GPC5: variants seen among roughly 807,000 people sequenced by gnomAD.
GPC5 encodes glypican-5.
A neutral mutation model predicts 53.9 loss-of-function variants in GPC5; 47 were observed. That is an observed-to-expected ratio of 0.87 (90% confidence interval 0.69 to 1.11). The LOEUF (loss-of-function observed/expected upper bound fraction) is 1.11. GPC5 is among the 50% of genes most tolerant of loss of function. The probability of loss-of-function intolerance (pLI) is 0.00; values close to 1 mark genes in which losing one functional copy is unlikely to be tolerated. For synonymous variants in GPC5, 286 were observed against 263.3 expected, an observed-to-expected ratio of 1.09 and a Z score of -0.84; for missense variants, 748 against 713.1, an observed-to-expected ratio of 1.05 and a Z score of -0.56.
rs565025421 is a variant in GPC5, at chr13:91,734,277, C to T, written c.1154+5612C>T. Among the ~76,000 whole-genome samples, 213 of 151,324 alleles carry T rather than the reference C, an allele frequency of 1.4e-3. 3 individuals carry two copies. The highest frequency in any genetic ancestry group is 3.2e-3 in the Admixed American group (49 of 15,256). On this transcript the variant is annotated intron_variant, in intron 4 of 7. Transcript: ENST00000377067. The stretch of plus-strand genomic sequence containing the variant: ...TATTGATGTTCATCAGGGATATTGG[C>T]CCGAATTTCAGGAATTTCAATTTGG...
intron 7 of GPC5, among the ~76,000 whole-genome samples, chr13:92,311,287 T>C (rs531680198): frequency 5.8e-4 from 89 of 152,228 alleles, no homozygotes; most frequent in Non-Finnish European, 1.1e-3. Context: ...TCCTGGCCAC[T>C]GAGAAAAGAG....
intron 7 of GPC5, among the ~76,000 whole-genome samples, chr13:92,285,368 T>C (rs978202458): frequency 5.3e-5 from 8 of 152,306 alleles, no homozygotes; most frequent in Non-Finnish European, 8.8e-5. Flanking sequence ...AATGACTGTC[T>C]TCACAGAATT....
intron 5 of GPC5, among the ~76,000 whole-genome samples, chr13:91,846,844 T>G (rs1195783651): frequency 1.3e-5 from 2 of 151,824 alleles, no homozygotes; most frequent in Non-Finnish European, 2.9e-5. Context: ...TTTGGGAAAA[T>G]GGATAATATT....
At chr13:91,645,632 C>T (rs57341317) in intron 2 of GPC5, among the ~76,000 whole-genome samples, 17,107 of 152,176 alleles carry the variant, frequency 0.11, 1,199 homozygotes, top group East Asian at 0.29. Flanking sequence ...GAAAGGATTT[C>T]CTTATCCTAC....
intron 5 of GPC5, among the ~76,000 whole-genome samples, chr13:91,792,707 A>C (rs1327083057): frequency 2.0e-5 from 3 of 152,196 alleles, no homozygotes; most frequent in African/African-American, 4.8e-5. Context: ...TCTAAGTAAC[A>C]GTTCATAGTA....
At chr13:92,376,059 C>T (rs946399649) in intron 7 of GPC5, among the ~76,000 whole-genome samples, 1 of 152,126 alleles carries the variant, frequency 6.6e-6, no homozygotes, top group Admixed American at 6.5e-5. Context: ...TTAGTGTGTA[C>T]TATGATGGGT....
At chr13:92,546,202 A>G (rs373427185) in intron 7 of GPC5, among the ~76,000 whole-genome samples, 5 of 152,316 alleles carry the variant, frequency 3.3e-5, no homozygotes, top group East Asian at 1.9e-4. Flanking sequence ...AGGGTATTCA[A>G]TTTGGAAAAG....
chr13:92,808,795 CT>C (rs1877192912), intron 7 of GPC5, among the ~76,000 whole-genome samples: 1 of 151,716 alleles, frequency 6.6e-6, no homozygotes, highest in East Asian at 1.9e-4. Flanking sequence ...AAAACTTTTC[CT>C]TTTGGCTACT....
At chr13:92,038,245 G>A (rs1383389677) in intron 6 of GPC5, among the ~76,000 whole-genome samples, 1 of 151,762 alleles carries the variant, frequency 6.6e-6, no homozygotes, top group Non-Finnish European at 1.5e-5. Context: ...AACAAGTTTT[G>A]GGTTATCAGA....
intron 7 of GPC5, among the ~76,000 whole-genome samples, chr13:92,506,020 C>G (rs575092468): frequency 6.6e-6 from 1 of 152,058 alleles, no homozygotes; most frequent in Non-Finnish European, 1.5e-5. Flanking sequence ...TATAACTGTT[C>G]GGCCTTCTTT....
chr13:91,718,099 T>TTTGTTGTTGTTGTTGTTG (rs200812685), intron 3 of GPC5, among the ~76,000 whole-genome samples: 3 of 151,236 alleles, frequency 2.0e-5, no homozygotes, highest in African/African-American at 4.9e-5. Flanking sequence ...TCCCCTAATC[T>TTTGTTGTTGTTGTTGTTG]TTGTTGTTGT....
chr13:91,917,380 G>A (rs1391605878), intron 6 of GPC5, among the ~76,000 whole-genome samples: 1 of 152,164 alleles, frequency 6.6e-6, no homozygotes, highest in Non-Finnish European at 1.5e-5. Context: ...GCTTTGCAAG[G>A]TGCAGGCCCC....
At chr13:92,020,095 A>G (rs1303540240) in intron 6 of GPC5, among the ~76,000 whole-genome samples, 1 of 151,906 alleles carries the variant, frequency 6.6e-6, no homozygotes, top group Non-Finnish European at 1.5e-5. Flanking sequence ...TGCTTTCTTC[A>G]TTTTCAAAAC....
At chr13:92,722,535 G>A (rs893114006) in intron 7 of GPC5, among the ~76,000 whole-genome samples, 5 of 151,856 alleles carry the variant, frequency 3.3e-5, no homozygotes, top group African/African-American at 1.2e-4. Context: ...AAACATGAGA[G>A]GAAGACATTC....
At position 92,101,314 on chromosome 13, in the gene GPC5, A is replaced by G. The variant is rs1238390589; in HGVS notation, c.1402-43516A>G. On this transcript the variant is annotated intron_variant, in intron 6 of 7. Coordinates refer to ENST00000377067, the MANE Select transcript of GPC5 (RefSeq NM_004466.6). ...ATAAGATGCTCAATTTCAAAATGATATTTTATTTTCCAATGAAAGGTGACT... is the reference window on the plus strand; with the variant it reads ...ATAAGATGCTCAATTTCAAAATGATGTTTTATTTTCCAATGAAAGGTGACT... Among the ~76,000 whole-genome samples, 6 of 152,216 alleles carry G rather than the reference A, an allele frequency of 3.9e-5. No homozygotes were observed. In the East Asian group the frequency reaches 1.2e-3, roughly 29 times the overall value.
At chr13:91,869,150 C>A (rs1470821209) in intron 5 of GPC5, among the ~76,000 whole-genome samples, 1 of 152,002 alleles carries the variant, frequency 6.6e-6, no homozygotes, top group Non-Finnish European at 1.5e-5. Context: ...AGCTCTGCCC[C>A]CTGGGTTCAA....
At chr13:91,594,807 A>G (rs183995812) in intron 2 of GPC5, among the ~76,000 whole-genome samples, 2 of 151,796 alleles carry the variant, frequency 1.3e-5, no homozygotes, top group Non-Finnish European at 2.9e-5. Context: ...GCCTCTCAAG[A>G]AGCTGGGACT....
intron 2 of GPC5, among the ~76,000 whole-genome samples, chr13:91,603,790 TA>T (rs1418714860): frequency 6.6e-6 from 1 of 152,208 alleles, no homozygotes; most frequent in Non-Finnish European, 1.5e-5. Flanking sequence ...TCTATCTGGA[TA>T]TAGATATAAA....
chr13:92,218,312 G>A (rs2042425451), intron 7 of GPC5, among the ~76,000 whole-genome samples: 1 of 152,102 alleles, frequency 6.6e-6, no homozygotes, highest in African/African-American at 2.4e-5. Flanking sequence ...CTTAGTGGAA[G>A]TAGAATTTAA....
Sources: gnomAD v4.1 joint callset for allele counts (sites outside exome capture counted in the v4.1 genomes callset) on GRCh38, gnomAD v4.1.1 for gene constraint, MANE v1.5 for transcripts, NCBI Gene and HGNC (gene_info 2026-07-23, HGNC 2026-07-21) for gene names.